Variants in KLHL32 observed in about 807,000 individuals in gnomAD.
KLHL32 encodes the protein kelch-like protein 32.
Under a neutral mutation model 64.8 loss-of-function variants are expected in KLHL32, and 35 were observed. The ratio of observed to expected loss-of-function variants is 0.54; its 90% CI spans 0.41 to 0.72. The LOEUF (loss-of-function observed/expected upper bound fraction) is 0.72. KLHL32 is among the 30% of genes least tolerant of loss of function. KLHL32 has a pLI of 0.00. For synonymous variants in KLHL32, 259 were observed against 281.0 expected, an observed-to-expected ratio of 0.92 and a Z score of 0.78; for missense variants, 589 against 768.5, an observed-to-expected ratio of 0.77 and a Z score of 2.76.
chr6:97,088,044 G>T (rs1481864552), intron 6 of KLHL32, among the ~76,000 whole-genome samples: 1 of 152,038 alleles, frequency 6.6e-6, no homozygotes, highest in African/African-American at 2.4e-5. Context: ...TTCTCTCACA[G>T]AAGTCTTCTT....
intron 10 of KLHL32, among the ~76,000 whole-genome samples, chr6:97,134,415 C>T (rs1799772022): frequency 6.6e-6 from 1 of 152,210 alleles, no homozygotes; most frequent in Non-Finnish European, 1.5e-5. Context: ...ACAAACTTTT[C>T]TCTCAAAGAG....
chr6:96,919,472 T>G, the KLHL32 span, among the ~76,000 whole-genome samples: 1 of 152,336 alleles, frequency 6.6e-6, no homozygotes, highest in East Asian at 1.9e-4. Flanking sequence ...TATTCATATG[T>G]GTTTCATTTG....
the KLHL32 span, among the ~76,000 whole-genome samples, chr6:96,910,263 A>C: frequency 2.0e-5 from 3 of 152,084 alleles, no homozygotes; most frequent in African/African-American, 7.2e-5. Context: ...AAGAACAAGA[A>C]AGATTCCAAC....
At chr6:96,924,499 G>C (rs866377017), upstream of KLHL32, 16 of 149,906 alleles carry the variant, frequency 1.1e-4, no homozygotes, top group Admixed American at 3.3e-4. Flanking sequence ...GCAGGGGAGC[G>C]AGCGCGCTGG....
chr6:96,923,898 C>G (rs1028117484), upstream of KLHL32, among the ~76,000 whole-genome samples: 3 of 152,190 alleles, frequency 2.0e-5, no homozygotes, highest in Admixed American at 2.0e-4. Flanking sequence ...GTGTGAGTTT[C>G]TCAGCATGTT....
intron 3 of KLHL32, among the ~76,000 whole-genome samples, chr6:97,018,479 G>A (rs1466806612): frequency 6.6e-6 from 1 of 150,998 alleles, no homozygotes; most frequent in Non-Finnish European, 1.5e-5. Context: ...TGTGATCCCA[G>A]CTGCTCAGGA....
upstream of KLHL32, among the ~76,000 whole-genome samples, chr6:96,920,550 A>G (rs1768719563): frequency 6.6e-6 from 1 of 151,946 alleles, no homozygotes; most frequent in Non-Finnish European, 1.5e-5. Flanking sequence ...TGAGCCAGTA[A>G]AATGGAAAAA....
In KLHL32 at chr6:97,085,173, C is replaced by G. The variant is rs1793206459; in HGVS notation, c.459C>G (p.Leu153=). The change falls in exon 6 of 11, where the codon CTC becomes CTG. Residue 153 remains leucine, a synonymous_variant. Transcript: ENST00000369261. ...TGGATCTGTACAGACTTGCTGACCT[C>G]TTTAACCTCACTTTGTTGGAGAAGG... is the stretch of plus-strand genomic sequence containing the variant. ...NYLDLYRLAD[L]FNLTLLEKAV... is the part of the protein sequence containing the mutation. The G allele has an allele frequency of 1.9e-6, 3 of 1,614,018 alleles. No homozygotes were observed. The South Asian group carries it at 3.3e-5, about 18-fold the overall frequency.
chr6:96,950,500 T>TAA lies in KLHL32; in HGVS notation c.-65-16485_-65-16484dup, dbSNP rs59688440. 4.5e-3 allele frequency among the ~76,000 whole-genome samples: 659 copies of TAA among 147,778 alleles called. 13 individuals carry two copies. Among genetic ancestry groups the TAA allele is most frequent in the African/African-American group, 0.015 (627 of 40,518 alleles). On this transcript the variant is annotated intron_variant, in intron 1 of 10. Coordinates refer to ENST00000369261, the MANE Select transcript of KLHL32 (RefSeq NM_052904.4). The stretch of plus-strand genomic sequence containing the variant: ...TGATAGCTTTTATCAGTTGTCACGT[T>TAA]AAAAAAAAAAAACCCAGACACTTTG...
intron 3 of KLHL32, among the ~76,000 whole-genome samples, chr6:97,027,514 G>A (rs181910683): frequency 7.6e-4 from 116 of 152,230 alleles, no homozygotes; most frequent in Middle Eastern, 3.4e-3. Context: ...CATGAAATTC[G>A]TCTTAAGGAA....
chr6:97,057,588 A>AT (rs1788213500), intron 4 of KLHL32, among the ~76,000 whole-genome samples: 1 of 142,622 alleles, frequency 7.0e-6, no homozygotes. Flanking sequence ...CAGATGGTTC[A>AT]TTTTTTTCAT....
the KLHL32 span, among the ~76,000 whole-genome samples, chr6:96,899,612 C>A: frequency 1.3e-5 from 2 of 152,204 alleles, no homozygotes; most frequent in Non-Finnish European, 2.9e-5. Flanking sequence ...TTTGCCTGAT[C>A]CTGGCCCAGT....
intron 4 of KLHL32, among the ~76,000 whole-genome samples, chr6:97,059,185 A>G (rs139754997): frequency 3.2e-3 from 493 of 152,300 alleles, no homozygotes; most frequent in Non-Finnish European, 4.9e-3. Context: ...TAAGGAGTGG[A>G]TTTAGAGTTG....
chr6:96,949,102 T>C lies in KLHL32; in HGVS notation c.-65-17894T>C, dbSNP rs529473618. On this transcript the variant is annotated intron_variant, in intron 1 of 10. Transcript: ENST00000369261. ...GATGTTTTGTGCATTTTAGCAGCCA[T>C]TGTTATCCAGTGTTTTCTTGTTTGT... 8.5e-5 allele frequency among the ~76,000 whole-genome samples: 13 copies of C among 152,354 alleles called. No homozygotes were observed. The East Asian group carries it at 2.5e-3, about 29-fold the overall frequency.
At chr6:96,907,032 C>A in the KLHL32 span, among the ~76,000 whole-genome samples, 2 of 152,110 alleles carry the variant, frequency 1.3e-5, no homozygotes, top group Non-Finnish European at 2.9e-5. Context: ...ATTCATGTAC[C>A]TAGCTAGCTG....
At chr6:96,995,051 C>A (rs920206197) in intron 3 of KLHL32, among the ~76,000 whole-genome samples, 1 of 152,160 alleles carries the variant, frequency 6.6e-6, no homozygotes, top group East Asian at 1.9e-4. Flanking sequence ...AGCCAAATCC[C>A]GTTACTTCTG....
chr6:97,123,804 G>C (rs746572926), intron 7 of KLHL32, among the ~76,000 whole-genome samples: 1 of 152,180 alleles, frequency 6.6e-6, no homozygotes, highest in Middle Eastern at 3.2e-3. Flanking sequence ...CAGTATAGCA[G>C]CATGTGGCAT....
intron 2 of KLHL32, among the ~76,000 whole-genome samples, chr6:96,971,971 G>A (rs1412941094): frequency 6.6e-6 from 1 of 152,032 alleles, no homozygotes; most frequent in Non-Finnish European, 1.5e-5. Context: ...TCCTGCCTTA[G>A]CCTCCTGAGT....
chr6:97,019,945 A>AGTT (rs1562249781), intron 3 of KLHL32, among the ~76,000 whole-genome samples: 4 of 76,748 alleles, frequency 5.2e-5, no homozygotes, highest in African/African-American at 2.6e-4. Flanking sequence ...ACTCCCGGCG[A>AGTT]ATTTTTTTTT....
Sources: allele counts gnomAD v4.1 joint callset (sites outside exome capture counted in the v4.1 genomes callset), GRCh38; gene constraint gnomAD v4.1.1; transcripts MANE v1.5; gene names NCBI Gene and HGNC (gene_info 2026-07-23, HGNC 2026-07-21).